Variants in PRCP observed in about 807,000 individuals in gnomAD.
The protein encoded by PRCP is prolylcarboxypeptidase.
PRCP carries 46 observed loss-of-function variants against 54.2 expected under a neutral mutation model. The observed-to-expected ratio is 0.85, with a 90% CI of 0.67 to 1.09. The LOEUF (loss-of-function observed/expected upper bound fraction) is 1.09. Among genes scored for constraint, PRCP ranks in the 50% least tolerant of loss-of-function variants. The pLI is 0.00. For missense variants in PRCP, 613 were observed against 596.8 expected, an observed-to-expected ratio of 1.03 and a Z score of -0.28; for synonymous variants, 240 against 212.2, an observed-to-expected ratio of 1.13 and a Z score of -1.14.
intron 2 of PRCP, 34 bp from the exon 3 acceptor site, chr11:82,853,312 C>A (rs1183117579): frequency 6.4e-7 from 1 of 1,559,716 alleles, no homozygotes; most frequent in Admixed American, 1.8e-5. Flanking sequence ...AGGATAAAAT[C>A]AGAATGTGAA....
At chr11:82,858,249 A>G (rs1464304177) in intron 2 of PRCP, 1 of 152,238 alleles carries the variant, frequency 6.6e-6, no homozygotes, top group Non-Finnish European at 1.5e-5. Flanking sequence ...CATTTAACAG[A>G]TGAGAAAACT....
chr11:82,874,196 A>G (rs1044553660), intron 1 of PRCP, among the ~76,000 whole-genome samples: 1 of 152,194 alleles, frequency 6.6e-6, no homozygotes, highest in African/African-American at 2.4e-5. Context: ...CCACCACGAC[A>G]CCAGATAATC....
intron 6 of PRCP, among the ~76,000 whole-genome samples, chr11:82,842,790 T>C (rs1398765413): frequency 6.6e-6 from 1 of 152,104 alleles, no homozygotes; most frequent in Non-Finnish European, 1.5e-5. Context: ...TTGCAAAATA[T>C]TTGCAAATTT....
At chr11:82,897,865 AGGACAGCT>A (rs1860153734) in intron 1 of PRCP, among the ~76,000 whole-genome samples, 1 of 152,240 alleles carries the variant, frequency 6.6e-6, no homozygotes, top group Admixed American at 6.5e-5. Flanking sequence ...TATACATAGA[AGGACAGCT>A]GGGTCCAGCT....
At chr11:82,847,901 T>A (rs1005496685) in intron 6 of PRCP, among the ~76,000 whole-genome samples, 2 of 152,190 alleles carry the variant, frequency 1.3e-5, no homozygotes, top group African/African-American at 4.8e-5. Context: ...GCCTATTGAT[T>A]TAGGTTTTCT....
At chr11:82,854,236 G>A (rs1859026558) in intron 2 of PRCP, among the ~76,000 whole-genome samples, 1 of 152,194 alleles carries the variant, frequency 6.6e-6, no homozygotes, top group African/African-American at 2.4e-5. Context: ...CAAATGATAT[G>A]ATGCTATACC....
rs907620227 is a variant in PRCP, at chr11:82,834,088, T to G, written c.1274+4299A>C. ...GAAACGAGCTTCTTGCCCTTCCACC[T>G]CCAGCCATGTAAGGGTGCTGCCTTA... On this transcript the variant is annotated intron_variant, in intron 8 of 8. Transcript: ENST00000313010. 7.2e-5 allele frequency among the ~76,000 whole-genome samples: 11 copies of G among 152,304 alleles called. No homozygotes were observed. In the South Asian group the frequency reaches 2.1e-3, roughly 29 times the overall value.
chr11:82,884,835 G>C, intron 1 of PRCP: 1 of 1,613,372 alleles, frequency 6.2e-7, no homozygotes, highest in Non-Finnish European at 8.5e-7. Flanking sequence ...GAGGAGTCTT[G>C]TAATGATTTA....
At chr11:82,854,562 TA>T (rs1293139148) in intron 2 of PRCP, among the ~76,000 whole-genome samples, 1 of 152,120 alleles carries the variant, frequency 6.6e-6, no homozygotes, top group East Asian at 1.9e-4. Context: ...TCAATATTGT[TA>T]AAATGGCCAT....
chr11:82,898,360 T>A (rs1860166348), intron 1 of PRCP, among the ~76,000 whole-genome samples: 1 of 152,208 alleles, frequency 6.6e-6, no homozygotes, highest in East Asian at 1.9e-4. Context: ...GAATCTACAA[T>A]AAAGGAACAT....
chr11:82,824,781 C>G lies in PRCP; in HGVS notation c.*125G>C. On this transcript the variant is annotated 3_prime_UTR_variant, in exon 9 of 9. Coordinates refer to ENST00000313010, the MANE Select transcript of PRCP (RefSeq NM_005040.4). ...TTACCGTCATCACCCTCTATTCTAT[C>G]TCAACTTTGGCCCCATCAAATCTAA... 1 of 967,990 alleles carries G rather than the reference C, an allele frequency of 1.0e-6. No homozygotes were observed. The highest frequency in any genetic ancestry group is 1.5e-6 in the Non-Finnish European group (1 of 654,878). The allele number at this position is 967,990 out of a possible 1,614,324, so 60.0% of individuals were successfully genotyped here. A position where few individuals can be genotyped will look rare whatever the true frequency, so the allele number is the denominator to read the frequency against.
chr11:82,884,707 G>T (rs1229784570), intron 1 of PRCP: 8 of 1,441,948 alleles, frequency 5.5e-6, no homozygotes, highest in African/African-American at 4.3e-5. Context: ...AAAAAGAAGA[G>T]AATTTGCAGA....
At chr11:82,829,059 C>A (rs1289370308) in intron 8 of PRCP, 1 of 152,212 alleles carries the variant, frequency 6.6e-6, no homozygotes, top group Non-Finnish European at 1.5e-5. Context: ...CACTGCACAA[C>A]CCTGATCCAA....
chr11:82,900,359 G>A lies in PRCP; in HGVS notation c.44C>T (p.Ala15Val). Residue 15 changes from alanine to valine, a missense_variant, in exon 1 of 9, where the codon GCG becomes GTG. Ala to Val is a moderately conservative substitution (Grantham distance 64, BLOSUM62 0). Coordinates refer to ENST00000313010, the MANE Select transcript of PRCP (RefSeq NM_005040.4). ...CCGGAGGGCTATGGTGGCCCAGGGCGCCAGAAAAGACAGAAGCAGGAGCAG... is the reference window on the plus strand; with the variant it reads ...CCGGAGGGCTATGGTGGCCCAGGGCACCAGAAAAGACAGAAGCAGGAGCAG... ...ALLLLLLSFL[A>V]PWATIALRPA... The A allele has an allele frequency of 6.2e-6, 10 of 1,614,010 alleles. No individual in the cohort carries two copies. The highest frequency in any genetic ancestry group is 8.5e-6 in the Non-Finnish European group (10 of 1,179,932).
In PRCP at chr11:82,888,037, T is replaced by C. The variant is rs549518821; in HGVS notation, c.168+12198A>G. Among the ~76,000 whole-genome samples the C allele has an allele frequency of 1.1e-4, 16 of 152,354 alleles. 1 individual carries two copies. The highest frequency in any genetic ancestry group is 1.0e-3 in the Admixed American group (16 of 15,302). ...TTCCCCTGAGTTTTTTGGGTCTTCA[T>C]TTCTGAAGACTCCCATATCACATAA... is the stretch of plus-strand genomic sequence containing the variant. On this transcript the variant is annotated intron_variant, in intron 1 of 8. Coordinates refer to ENST00000313010, the MANE Select transcript of PRCP (RefSeq NM_005040.4).
chr11:82,869,402 A>AAAGG (rs1162625704), intron 1 of PRCP, among the ~76,000 whole-genome samples: 73 of 151,316 alleles, frequency 4.8e-4, no homozygotes, highest in Admixed American at 4.8e-3. Context: ...AAGAAGGAAG[A>AAAGG]AAGGAAGGAA....
At chr11:82,899,468 A>G (rs1216378106) in intron 1 of PRCP, among the ~76,000 whole-genome samples, 3 of 152,232 alleles carry the variant, frequency 2.0e-5, no homozygotes, top group East Asian at 3.9e-4. Context: ...ATCTTTTCCT[A>G]TTTTTACACA....
intron 1 of PRCP, among the ~76,000 whole-genome samples, chr11:82,877,606 T>C (rs940068218): frequency 3.3e-5 from 5 of 152,222 alleles, no homozygotes; most frequent in African/African-American, 1.2e-4. Flanking sequence ...CCCTAAGCCT[T>C]AGCAGCTTCC....
rs760178090 is a variant in PRCP, at chr11:82,900,428, G to A, written c.-26C>T. 3 of 1,609,294 alleles carry A rather than the reference G, an allele frequency of 1.9e-6. No homozygotes were observed. Among genetic ancestry groups the A allele is most frequent in the Non-Finnish European group, 2.5e-6 (3 of 1,179,260 alleles). The stretch of plus-strand genomic sequence containing the variant: ...GGCTCAGGCTGGAGACTGCAGTGCG[G>A]GTGGGAGGGCGAAAAGGAGGCCAGC... On this transcript the variant is annotated 5_prime_UTR_variant, in exon 1 of 9. Transcript: ENST00000313010.
Sources: gnomAD v4.1 joint callset for allele counts (sites outside exome capture counted in the v4.1 genomes callset) on GRCh38, gnomAD v4.1.1 for gene constraint, MANE v1.5 for transcripts, NCBI Gene and HGNC (gene_info 2026-07-23, HGNC 2026-07-21) for gene names.